The following ZNF490 variants were observed in gnomAD, a reference collection of about 807,000 sequenced individuals.
ZNF490 encodes zinc finger protein 490.
In ZNF490, 11 loss-of-function variants were observed where a neutral mutation model predicts 17.7. The observed-to-expected ratio is 0.62, with a 90% CI of 0.39 to 1.03. The LOEUF (loss-of-function observed/expected upper bound fraction) is 1.03, where lower values mean the gene tolerates loss of function less well. Ranked by LOEUF, ZNF490 falls within the 50% of genes least tolerant of loss-of-function variation. The pLI, the probability that ZNF490 is intolerant of heterozygous loss-of-function variation, is 0.00. For synonymous variants in ZNF490, 222 were observed against 216.1 expected (o/e 1.03, Z -0.24); for missense variants, 542 against 643.4 (o/e 0.84, Z 1.71).
chr19:12,609,751 C>G (rs1265454402), intron 1 of ZNF490: 1 of 291,546 alleles, frequency 3.4e-6, no homozygotes, highest in Non-Finnish European at 6.7e-6. Context: ...AAAACTGCAT[C>G]TTCTTACATA....
chr19:12,609,354 C>A, intron 1 of ZNF490, 152 bp from the exon 2 acceptor site: 1 of 649,008 alleles, frequency 1.5e-6, no homozygotes, highest in Non-Finnish European at 2.7e-6. Flanking sequence ...CAAGATTACA[C>A]TGTCTCCTCT....
intron 2 of ZNF490, among the ~76,000 whole-genome samples, chr19:12,594,961 G>T (rs993499260): frequency 6.6e-6 from 1 of 152,118 alleles, no homozygotes; most frequent in African/African-American, 2.4e-5. Flanking sequence ...AATTAATTCA[G>T]AACTAGGCTG....
chr19:12,578,436 C>T lies in ZNF490; in HGVS notation c.*2049G>A. 1 of 985,450 alleles carries T rather than the reference C, an allele frequency of 1.0e-6. No individual in the cohort carries two copies. The highest frequency in any genetic ancestry group is 1.7e-5 in the African/African-American group (1 of 57,354). The allele number at this position is 985,450 out of a possible 1,614,324, so 61.0% of individuals were successfully genotyped here. A position where few individuals can be genotyped will look rare whatever the true frequency, so the allele number is the denominator to read the frequency against. On this transcript the variant is annotated 3_prime_UTR_variant, in exon 5 of 5. Coordinates refer to ENST00000311437, the MANE Select transcript of ZNF490 (RefSeq NM_020714.3). ...TCCCATGATACAGGCTCTGCTTCTT[C>T]AGTCTCTCACCTCAGAGCCACCTGC...
At position 12,580,683 on chromosome 19, in the gene ZNF490, G is replaced by A. The variant is rs140620156; in HGVS notation, c.1392C>T (p.His464=). ...GTTTCACTCCAGTGTGACTTCTTTCGTGCCTTCGAAGGTGACTGAAGTAAA... is the reference window on the plus strand; with the variant it reads ...GTTTCACTCCAGTGTGACTTCTTTCATGCCTTCGAAGGTGACTGAAGTAAA... ...VFIYFSHLRR[H]ERSHTGVKPC... The change falls in exon 5 of 5, where the codon CAC becomes CAT. Residue 464 remains histidine (H), a synonymous_variant. Coordinates refer to ENST00000311437, the MANE Select transcript of ZNF490 (RefSeq NM_020714.3). 6,566 of 1,614,032 alleles carry A rather than the reference G, an allele frequency of 4.1e-3. 15 individuals are homozygous for A. The highest frequency in any genetic ancestry group is 6.4e-3 in the Middle Eastern group (39 of 6,062).
intron 2 of ZNF490, among the ~76,000 whole-genome samples, chr19:12,589,535 C>G (rs958196971): frequency 1.3e-5 from 2 of 149,500 alleles, no homozygotes; most frequent in African/African-American, 4.9e-5. Flanking sequence ...TTTATGATAG[C>G]AAACTAGGAA....
At chr19:12,599,008 G>T (rs1401112711) in intron 2 of ZNF490, among the ~76,000 whole-genome samples, 1 of 147,032 alleles carries the variant, frequency 6.8e-6, no homozygotes, top group Non-Finnish European at 1.5e-5. Context: ...AAAATTAGCT[G>T]GGTGTGGTGG....
intron 2 of ZNF490, among the ~76,000 whole-genome samples, chr19:12,597,849 T>G (rs777803233): frequency 2.2e-4 from 34 of 152,254 alleles, no homozygotes; most frequent in Non-Finnish European, 4.7e-4. Context: ...TTCGGGAGGA[T>G]CCCTTGAGGC....
At chr19:12,610,033 C>CA (rs1311739134) in intron 1 of ZNF490, 1 of 430,554 alleles carries the variant, frequency 2.3e-6, no homozygotes, top group Non-Finnish European at 4.5e-6. Flanking sequence ...TAAAAACAAA[C>CA]AAACAAAAAA....
At position 12,576,747 on chromosome 19, in the gene ZNF490, G is replaced by A. The variant is rs2022642569; in HGVS notation, c.*3738C>T. Among the ~76,000 whole-genome samples, 1 of 148,800 alleles carries A rather than the reference G, an allele frequency of 6.7e-6. No homozygotes were observed. The highest frequency in any genetic ancestry group is 2.1e-4 in the South Asian group (1 of 4,732). Reference sequence around the variant, plus strand: ...CAGGAGAATTGCTTGAACCTGAGAAGTGGAGGTTGCAGTGAGCCAAGATTG... The same window carrying A: ...CAGGAGAATTGCTTGAACCTGAGAAATGGAGGTTGCAGTGAGCCAAGATTG... On this transcript the variant is annotated 3_prime_UTR_variant, in exon 5 of 5. Transcript: ENST00000311437.
intron 1 of ZNF490, chr19:12,609,777 C>T: frequency 3.2e-6 from 1 of 311,486 alleles, no homozygotes; most frequent in Non-Finnish European, 6.2e-6. Flanking sequence ...GGGAGCTAAA[C>T]AATGGGTAAA....
In ZNF490 at chr19:12,578,283, C is replaced by T. The variant is rs755351515; in HGVS notation, c.*2202G>A. The T allele has an allele frequency of 8.4e-5, 83 of 985,510 alleles. No individual in the cohort carries two copies. Among genetic ancestry groups the T allele is most frequent in the Middle Eastern group, 5.2e-4 (1 of 1,936 alleles). The allele number at this position is 985,510 out of a possible 1,614,324, so 61.0% of individuals were successfully genotyped here. ...AGGGGAGGTAAGAATTCTGAGTGTC[C>T]TACAGCTAAGACATGGCAGAGTGTG... On this transcript the variant is annotated 3_prime_UTR_variant, in exon 5 of 5. Coordinates refer to ENST00000311437, the MANE Select transcript of ZNF490 (RefSeq NM_020714.3).
intron 1 of ZNF490, 45 bp from the exon 2 acceptor site, chr19:12,609,247 A>G: frequency 6.4e-7 from 1 of 1,564,818 alleles, no homozygotes; most frequent in Non-Finnish European, 8.8e-7. Context: ...TCAGCAATTT[A>G]GAACTAAACA....
chr19:12,609,309 A>C, intron 1 of ZNF490, 107 bp from the exon 2 acceptor site: 2 of 896,596 alleles, frequency 2.2e-6, no homozygotes. Context: ...ACCTGTACAC[A>C]CAGAGCTACC....
intron 2 of ZNF490, chr19:12,597,093 C>A: frequency 2.2e-6 from 1 of 459,050 alleles, no homozygotes. Flanking sequence ...CTTCCCATAG[C>A]CGGTTCCGAC....
chr19:12,578,367 G>A lies in ZNF490; in HGVS notation c.*2118C>T. ...TGACTGTGGTGGTTGGTGCAGGGCT[G>A]GTAACCGCAGGAGAGTGGATGCTGT... On this transcript the variant is annotated 3_prime_UTR_variant, in exon 5 of 5. Transcript: ENST00000311437. 2 of 985,758 alleles carry A rather than the reference G, an allele frequency of 2.0e-6. No individual in the cohort carries two copies. Among genetic ancestry groups the A allele is most frequent in the Non-Finnish European group, 2.4e-6 (2 of 830,144 alleles). The allele number at this position is 985,758 out of a possible 1,614,324, so 61.1% of individuals were successfully genotyped here. A position where few individuals can be genotyped will look rare whatever the true frequency, so the allele number is the denominator to read the frequency against.
At chr19:12,584,022 A>T (rs905334108) in intron 2 of ZNF490, among the ~76,000 whole-genome samples, 1 of 149,328 alleles carries the variant, frequency 6.7e-6, no homozygotes, top group Non-Finnish European at 1.5e-5. Context: ...GTGTTAGCCA[A>T]GATGGTTTCC....
Position 12,578,319 on chromosome 19 carries a change from C to T in ZNF490, c.*2166G>A. 3 of 985,572 alleles carry T rather than the reference C, an allele frequency of 3.0e-6. No individual in the cohort carries two copies. Among genetic ancestry groups the T allele is most frequent in the Non-Finnish European group, 3.6e-6 (3 of 830,036 alleles). 61.1% of individuals were successfully genotyped at this position (985,572 alleles called of 1,614,324 possible). A position where few individuals can be genotyped will look rare whatever the true frequency, so the allele number is the denominator to read the frequency against. On this transcript the variant is annotated 3_prime_UTR_variant, in exon 5 of 5. Coordinates refer to ENST00000311437, the MANE Select transcript of ZNF490 (RefSeq NM_020714.3). ...ACATGGCAGAGTGTGTCTGTGACTC[C>T]ACTAGCAGTTTTGAGATTATTCTGA...
In ZNF490 at chr19:12,578,322, T is replaced by C. The variant is rs2022673062; in HGVS notation, c.*2163A>G. The C allele has an allele frequency of 3.0e-6, 3 of 985,506 alleles. No individual in the cohort carries two copies. In the South Asian group the frequency reaches 1.4e-4, roughly 46 times the overall value. 61.0% of individuals were successfully genotyped at this position (985,506 alleles called of 1,614,324 possible). Reference sequence around the variant, plus strand: ...TGGCAGAGTGTGTCTGTGACTCCACTAGCAGTTTTGAGATTATTCTGACTG... The same window carrying C: ...TGGCAGAGTGTGTCTGTGACTCCACCAGCAGTTTTGAGATTATTCTGACTG... On this transcript the variant is annotated 3_prime_UTR_variant, in exon 5 of 5. Transcript: ENST00000311437.
intron 2 of ZNF490, among the ~76,000 whole-genome samples, chr19:12,599,869 T>C (rs765632109): frequency 1.3e-5 from 2 of 152,208 alleles, no homozygotes; most frequent in Non-Finnish European, 2.9e-5. Context: ...TGTAAACATA[T>C]TGGCTAAAGT....
Sources: gnomAD v4.1 joint callset for allele counts (sites outside exome capture counted in the v4.1 genomes callset) on GRCh38, gnomAD v4.1.1 for gene constraint, MANE v1.5 for transcripts, NCBI Gene and HGNC (gene_info 2026-07-23, HGNC 2026-07-21) for gene names.